Variants in CPE observed in about 807,000 individuals in gnomAD.
CPE encodes the protein carboxypeptidase E, also known as carbocypeptidase E.
In CPE, 17 loss-of-function variants were observed where a neutral mutation model predicts 53.5. That is an observed-to-expected ratio of 0.32 (90% CI 0.22 to 0.48). CPE has a LOEUF of 0.48. CPE is among the 20% of genes least tolerant of loss of function. CPE has a pLI of 0.99. For synonymous variants in CPE, 226 were observed against 228.8 expected (o/e 0.99, Z 0.11); for missense variants, 524 against 614.7 (o/e 0.85, Z 1.56).
In CPE at chr4:165,492,155, AT is replaced by A. The variant is rs575870345; in HGVS notation, c.1114-1013del. ...ATAGCCAGTTGATGACTACAACTTA[AT>A]TTAGGGGGATTATTTTCAATGGCAG... On this transcript the variant is annotated intron_variant, in intron 6 of 8. Coordinates refer to ENST00000402744, the MANE Select transcript of CPE (RefSeq NM_001873.4). 1.5e-3 allele frequency among the ~76,000 whole-genome samples: 230 copies of A among 152,320 alleles called. 1 individual carries two copies. Among genetic ancestry groups the A allele is most frequent in the African/African-American group, 5.0e-3 (207 of 41,570 alleles).
rs1272943313 is a variant in CPE at position 165,379,087 on chromosome 4, G to A, written c.-135G>A. 6.3e-6 allele frequency: 5 copies of A among 793,374 alleles called. No homozygotes were observed. Among genetic ancestry groups the A allele is most frequent in the South Asian group, 6.5e-5 (1 of 15,402 alleles). 49.1% of individuals were successfully genotyped at this position (793,374 alleles called of 1,614,324 possible). On this transcript the variant is annotated 5_prime_UTR_variant, in exon 1 of 9. Transcript: ENST00000402744. This position sits in a 1 kb window ranked among gnomAD's most constrained non-coding sequence, Gnocchi z 6.0. The stretch of plus-strand genomic sequence containing the variant: ...TGCGCGGGCTGACACTCATTCAGCC[G>A]GGGAAGGTGAGGCGAGTAGAGGCTG...
chr4:165,412,741 G>A (rs1281123823), intron 1 of CPE, among the ~76,000 whole-genome samples: 1 of 152,162 alleles, frequency 6.6e-6, no homozygotes, highest in East Asian at 1.9e-4. Flanking sequence ...TAAAAAATAT[G>A]AACATGTTTA....
intron 1 of CPE, among the ~76,000 whole-genome samples, chr4:165,450,197 T>A (rs961368159): frequency 6.6e-6 from 1 of 152,202 alleles, no homozygotes; most frequent in Non-Finnish European, 1.5e-5. Context: ...CATTAAAAAA[T>A]TCCTAAGGGA....
chr4:165,423,557 G>A (rs1242173452), intron 1 of CPE, among the ~76,000 whole-genome samples: 4 of 151,848 alleles, frequency 2.6e-5, no homozygotes, highest in East Asian at 1.9e-4. Flanking sequence ...ATTAGCTATT[G>A]TATTTCATGT....
chr4:165,442,749 C>T (rs1201676930), intron 1 of CPE, among the ~76,000 whole-genome samples: 1 of 152,194 alleles, frequency 6.6e-6, no homozygotes, highest in East Asian at 1.9e-4. Context: ...GGTGTAGGAA[C>T]AGGCAGACCT....
intron 1 of CPE, among the ~76,000 whole-genome samples, chr4:165,428,202 T>G (rs955514421): frequency 9.9e-5 from 15 of 152,136 alleles, no homozygotes; most frequent in African/African-American, 3.6e-4. Flanking sequence ...TGACTAATTT[T>G]AATTTTTTAA....
In CPE at chr4:165,482,227, C is replaced by T; in HGVS notation, c.673-15C>T. Reference sequence around the variant, plus strand: ...TTATTAAATTTATAATCCTTTTAATCTCTCATCTGAACAGCTTGCTCCTGA... The same window carrying T: ...TTATTAAATTTATAATCCTTTTAATTTCTCATCTGAACAGCTTGCTCCTGA... On this transcript the variant is annotated splice_polypyrimidine_tract_variant and intron_variant, in intron 3 of 8. Coordinates refer to ENST00000402744, the MANE Select transcript of CPE (RefSeq NM_001873.4). 1.3e-6 allele frequency: 2 copies of T among 1,500,660 alleles called. No individual in the cohort carries two copies. Among genetic ancestry groups the T allele is most frequent in the Non-Finnish European group, 1.8e-6 (2 of 1,082,952 alleles). The allele number at this position is 1,500,660 out of a possible 1,614,324, so 93.0% of individuals were successfully genotyped here. A position where few individuals can be genotyped will look rare whatever the true frequency, so the allele number is the denominator to read the frequency against.
chr4:165,470,977 G>T (rs1356208100), intron 3 of CPE, among the ~76,000 whole-genome samples: 1 of 152,110 alleles, frequency 6.6e-6, no homozygotes, highest in Non-Finnish European at 1.5e-5. Flanking sequence ...TCTGTAGAAG[G>T]GTGACTCTTG....
At chr4:165,436,613 C>G (rs970496293) in intron 1 of CPE, among the ~76,000 whole-genome samples, 8 of 152,194 alleles carry the variant, frequency 5.3e-5, no homozygotes, top group Non-Finnish European at 4.4e-5. Flanking sequence ...GAACCATGAT[C>G]TAGACTATTC....
intron 1 of CPE, among the ~76,000 whole-genome samples, chr4:165,459,662 GGGAGGGC>G (rs1731959351): frequency 7.4e-6 from 1 of 134,510 alleles, no homozygotes; most frequent in Non-Finnish European, 1.6e-5. Context: ...CCAGCACTTT[GGGAGGGC>G]TGGGTGGGGG....
At chr4:165,487,170 T>G (rs1015623053) in intron 5 of CPE, among the ~76,000 whole-genome samples, 10 of 152,184 alleles carry the variant, frequency 6.6e-5, no homozygotes, top group South Asian at 2.1e-4. Context: ...TCCAGCAATG[T>G]GGAAGGTGGG....
intron 1 of CPE, among the ~76,000 whole-genome samples, chr4:165,435,819 C>T (rs1028511209): frequency 6.6e-6 from 1 of 152,166 alleles, no homozygotes; most frequent in South Asian, 2.1e-4. Context: ...TCCAAGAAGG[C>T]TTTACCCTAT....
At chr4:165,451,918 C>T (rs896151274) in intron 1 of CPE, among the ~76,000 whole-genome samples, 2 of 150,836 alleles carry the variant, frequency 1.3e-5, no homozygotes, top group African/African-American at 5.0e-5. Context: ...CACGTACCGC[C>T]CCCCCAACCC....
At chr4:165,409,110 G>A (rs185447839) in intron 1 of CPE, among the ~76,000 whole-genome samples, 104 of 152,278 alleles carry the variant, frequency 6.8e-4, no homozygotes, top group African/African-American at 2.4e-3. Flanking sequence ...TGGCGGAGTG[G>A]GTGGTGGTTC....
intron 1 of CPE, among the ~76,000 whole-genome samples, chr4:165,455,123 C>T (rs1731879650): frequency 6.6e-6 from 1 of 152,156 alleles, no homozygotes; most frequent in African/African-American, 2.4e-5. Flanking sequence ...AAATGAGCTT[C>T]TCATGGAAAT....
At chr4:165,459,674 T>TAG (rs1553976460) in intron 1 of CPE, among the ~76,000 whole-genome samples, 1 of 56,660 alleles carries the variant, frequency 1.8e-5, no homozygotes, top group Non-Finnish European at 3.5e-5. Context: ...GAGGGCTGGG[T>TAG]GGGGGGGGGC....
At chr4:165,490,527 G>A (rs1383380010) in intron 6 of CPE, among the ~76,000 whole-genome samples, 32 of 151,696 alleles carry the variant, frequency 2.1e-4, no homozygotes, top group Admixed American at 2.0e-3. Flanking sequence ...CAGCTACTCC[G>A]GAGGCTGAGG....
At chr4:165,438,077 C>T (rs372014299) in intron 1 of CPE, among the ~76,000 whole-genome samples, 11 of 152,134 alleles carry the variant, frequency 7.2e-5, no homozygotes, top group Admixed American at 4.6e-4. Flanking sequence ...ATCTTGAAGG[C>T]GCTTACTTAG....
At chr4:165,381,537 T>A (rs1730505123) in intron 1 of CPE, 1 of 279,034 alleles carries the variant, frequency 3.6e-6, no homozygotes, top group African/African-American at 2.3e-5. Flanking sequence ...AATATGTACT[T>A]TACAATTCCT....
Sources: allele counts gnomAD v4.1 joint callset (sites outside exome capture counted in the v4.1 genomes callset), GRCh38; gene constraint gnomAD v4.1.1; non-coding constraint Gnocchi (gnomAD v3.1); transcripts MANE v1.5; gene names NCBI Gene and HGNC (gene_info 2026-07-23, HGNC 2026-07-21).